KHDRBS2: variants seen among roughly 807,000 people sequenced by gnomAD.
KHDRBS2 encodes KH RNA binding domain containing, signal transduction associated 2, also known as KH domain-containing, RNA-binding, signal transduction-associated protein 2.
Under a neutral mutation model 44.3 loss-of-function variants are expected in KHDRBS2, and 26 were observed. The observed-to-expected ratio is 0.59, with a 90% confidence interval of 0.43 to 0.81. The LOEUF is 0.81. KHDRBS2 is among the 40% of genes least tolerant of loss of function. The pLI, the probability that KHDRBS2 is intolerant of heterozygous loss-of-function variation, is 0.00. For missense variants in KHDRBS2, 476 were observed against 433.1 expected (o/e 1.10, Z -0.88); for synonymous variants, 194 against 151.1 (o/e 1.28, Z -2.08).
intron 6 of KHDRBS2, among the ~76,000 whole-genome samples, chr6:61,864,774 G>A (rs935962097): frequency 6.6e-6 from 1 of 152,032 alleles, no homozygotes; most frequent in East Asian, 1.9e-4. Flanking sequence ...ATCCTACTGG[G>A]GTTCTCTGCA....
chr6:61,731,008 G>C (rs1774353502), intron 7 of KHDRBS2, among the ~76,000 whole-genome samples: 1 of 151,876 alleles, frequency 6.6e-6, no homozygotes, highest in African/African-American at 2.4e-5. Flanking sequence ...CTATTTAATT[G>C]TAGCTCTACA....
chr6:61,817,319 ATAT>A (rs1789134213), intron 6 of KHDRBS2, among the ~76,000 whole-genome samples: 1 of 152,064 alleles, frequency 6.6e-6, no homozygotes, highest in Non-Finnish European at 1.5e-5. Context: ...ATCCCAATAC[ATAT>A]TAACTTTCTT....
At chr6:61,607,519 GCAAA>G in the KHDRBS2 span, among the ~76,000 whole-genome samples, 5 of 23,322 alleles carry the variant, frequency 2.1e-4, no homozygotes, top group Non-Finnish European at 3.8e-4. Context: ...TGAGTTCCAA[GCAAA>G]AAAAAAAAAA....
At chr6:61,548,980 A>C in the KHDRBS2 span, among the ~76,000 whole-genome samples, 1 of 152,056 alleles carries the variant, frequency 6.6e-6, no homozygotes, top group African/African-American at 2.4e-5. Flanking sequence ...TGGGGTCTTA[A>C]AAAAAAGTCC....
the KHDRBS2 span, among the ~76,000 whole-genome samples, chr6:61,544,948 G>A: frequency 2.6e-5 from 4 of 152,160 alleles, no homozygotes; most frequent in Non-Finnish European, 4.4e-5. Flanking sequence ...AGGGAGTGGC[G>A]AGGGATAGCA....
intron 2 of KHDRBS2, among the ~76,000 whole-genome samples, chr6:62,120,382 C>T (rs1807322807): frequency 6.6e-6 from 1 of 152,164 alleles, no homozygotes; most frequent in African/African-American, 2.4e-5. Context: ...AAGGGAGCAT[C>T]TGCATCCTTG....
intron 3 of KHDRBS2, among the ~76,000 whole-genome samples, chr6:62,044,455 C>A (rs1303929891): frequency 1.3e-5 from 2 of 151,592 alleles, no homozygotes; most frequent in African/African-American, 4.9e-5. Flanking sequence ...CACAATAGTA[C>A]CACTGCAGTC....
intron 3 of KHDRBS2, among the ~76,000 whole-genome samples, chr6:62,024,633 G>T (rs1782966459): frequency 6.6e-6 from 1 of 151,306 alleles, no homozygotes; most frequent in Non-Finnish European, 1.5e-5. Context: ...AATCTTTTAT[G>T]GTGTTATTAC....
chr6:61,774,124 C>T (rs1340556414), intron 6 of KHDRBS2, among the ~76,000 whole-genome samples: 1 of 152,272 alleles, frequency 6.6e-6, no homozygotes, highest in South Asian at 2.1e-4. Context: ...CTTGGCGATG[C>T]AGGCTCTTTT....
chr6:61,908,590 C>T (rs368067542), intron 4 of KHDRBS2, among the ~76,000 whole-genome samples: 1 of 147,240 alleles, frequency 6.8e-6, no homozygotes, highest in South Asian at 2.1e-4. Flanking sequence ...GCTGAGATAG[C>T]GCCACTGCAG....
intron 3 of KHDRBS2, among the ~76,000 whole-genome samples, chr6:62,041,399 C>T (rs1786484752): frequency 6.6e-6 from 1 of 152,084 alleles, no homozygotes; most frequent in African/African-American, 2.4e-5. Context: ...AGACCATCCT[C>T]AGTGGTAGAA....
chr6:61,946,589 A>T (rs1270939389), intron 4 of KHDRBS2, among the ~76,000 whole-genome samples: 1 of 152,168 alleles, frequency 6.6e-6, no homozygotes, highest in Non-Finnish European at 1.5e-5. Flanking sequence ...ATATGAACAT[A>T]TTTTAATGGA....
At chr6:61,866,978 C>G (rs1797892345) in intron 6 of KHDRBS2, among the ~76,000 whole-genome samples, 1 of 152,108 alleles carries the variant, frequency 6.6e-6, no homozygotes. Flanking sequence ...CCAAACTTTC[C>G]CACATTTTCC....
rs199917057 is a variant in KHDRBS2, at chr6:62,242,634, TAA to T, written c.91+43222_91+43223del. ...TACAGCAAACAAGAAAATCTTAATT[TAA>T]AAAAAAAAATATTTTTCCCCTAGGA... On this transcript the variant is annotated intron_variant, in intron 1 of 8. Coordinates refer to ENST00000281156, the MANE Select transcript of KHDRBS2 (RefSeq NM_152688.4). 2.6e-3 allele frequency among the ~76,000 whole-genome samples: 379 copies of T among 148,230 alleles called. 3 individuals carry two copies. Among genetic ancestry groups the T allele is most frequent in the African/African-American group, 8.5e-3 (347 of 40,638 alleles).
chr6:62,206,493 T>C (rs1186535598), intron 1 of KHDRBS2, among the ~76,000 whole-genome samples: 1 of 152,128 alleles, frequency 6.6e-6, no homozygotes, highest in Non-Finnish European at 1.5e-5. Context: ...AGTTCTATTT[T>C]TGCTGAATAT....
the KHDRBS2 span, among the ~76,000 whole-genome samples, chr6:61,553,386 C>T: frequency 6.6e-6 from 1 of 151,850 alleles, no homozygotes; most frequent in Admixed American, 6.6e-5. Context: ...TTCTTATCTG[C>T]CCTCTTTTTT....
At chr6:61,570,579 A>G in the KHDRBS2 span, among the ~76,000 whole-genome samples, 1 of 152,152 alleles carries the variant, frequency 6.6e-6, no homozygotes. Flanking sequence ...AACACCTGGC[A>G]AATTCATCGG....
the KHDRBS2 span, among the ~76,000 whole-genome samples, chr6:61,620,440 T>C: frequency 1.6e-3 from 247 of 152,356 alleles, no homozygotes; most frequent in East Asian, 3.7e-3. Flanking sequence ...CAGTGTTTTA[T>C]TGAAGAGTCA....
chr6:61,576,526 C>CT, the KHDRBS2 span, among the ~76,000 whole-genome samples: 1 of 152,026 alleles, frequency 6.6e-6, no homozygotes, highest in Non-Finnish European at 1.5e-5. Flanking sequence ...GAATTAACTT[C>CT]TTTTTCAATT....
Sources: gnomAD v4.1 joint callset for allele counts (sites outside exome capture counted in the v4.1 genomes callset) on GRCh38, gnomAD v4.1.1 for gene constraint, MANE v1.5 for transcripts, NCBI Gene and HGNC (gene_info 2026-07-23, HGNC 2026-07-21) for gene names.